The following DOCK8 variants were observed in gnomAD, a reference collection of about 807,000 sequenced individuals.
DOCK8 encodes dedicator of cytokinesis protein 8.
DOCK8 carries 141 observed loss-of-function variants against 245.6 expected under a neutral mutation model. The ratio of observed to expected loss-of-function variants is 0.57; its 90% CI spans 0.50 to 0.66. The LOEUF is 0.66. Ranked by LOEUF, DOCK8 falls within the 30% of genes least tolerant of loss-of-function variation. The probability of loss-of-function intolerance (pLI) is 0.00; values close to 1 mark genes in which losing one functional copy is unlikely to be tolerated. For missense variants in DOCK8, 2,965 were observed against 2,603.4 expected (o/e 1.14, Z -3.02); for synonymous variants, 1,168 against 970.2 (o/e 1.20, Z -3.79).
chr9:280,172 T>C (rs1316345903), intron 2 of DOCK8, among the ~76,000 whole-genome samples: 2 of 152,314 alleles, frequency 1.3e-5, no homozygotes, highest in East Asian at 3.9e-4. Context: ...TATTTGGTTG[T>C]GGATAATTTA....
intron 26 of DOCK8, among the ~76,000 whole-genome samples, chr9:403,858 A>ATCTCTCTCTCTCTCTCTCTCTC (rs749646963): frequency 3.6e-5 from 3 of 83,970 alleles, no homozygotes; most frequent in African/African-American, 1.4e-4. Flanking sequence ...AAGACTCTGT[A>ATCTCTCTCTCTCTCTCTCTCTC]TCTCTCTCTC....
intron 10 of DOCK8, among the ~76,000 whole-genome samples, chr9:333,472 G>C (rs531047992): frequency 6.6e-6 from 1 of 152,192 alleles, no homozygotes; most frequent in African/African-American, 2.4e-5. Context: ...ATGGTGGCAC[G>C]TGCCTGTATT....
chr9:248,539 T>A (rs1432047177), intron 1 of DOCK8, among the ~76,000 whole-genome samples: 2 of 62,042 alleles, frequency 3.2e-5, no homozygotes, highest in African/African-American at 1.1e-4. Flanking sequence ...CTCTCTTTCT[T>A]TCTTTCTTTC....
At chr9:299,848 C>T (rs1052155183) in intron 4 of DOCK8, among the ~76,000 whole-genome samples, 23 of 151,782 alleles carry the variant, frequency 1.5e-4, no homozygotes, top group African/African-American at 5.1e-4. Context: ...AGTGAAACCC[C>T]GTCTCTACTA....
intron 18 of DOCK8, among the ~76,000 whole-genome samples, chr9:374,808 A>G (rs2053455321): frequency 6.6e-6 from 1 of 151,946 alleles, no homozygotes; most frequent in South Asian, 2.1e-4. Context: ...ATTTTAAATT[A>G]CATATATAGC....
chr9:290,918 A>G (rs1387414176), intron 4 of DOCK8, among the ~76,000 whole-genome samples: 1 of 152,208 alleles, frequency 6.6e-6, no homozygotes, highest in Non-Finnish European at 1.5e-5. Context: ...ATATGCACAC[A>G]TTTTCAGCAG....
intron 23 of DOCK8, 116 bp downstream of exon 23, chr9:386,542 T>C (rs2053962600): frequency 3.6e-6 from 3 of 833,612 alleles, no homozygotes; most frequent in Non-Finnish European, 3.9e-6. Flanking sequence ...CCTGATGTGC[T>C]AACACACACA....
At chr9:429,097 A>G (rs925243074) in intron 35 of DOCK8, among the ~76,000 whole-genome samples, 2 of 152,064 alleles carry the variant, frequency 1.3e-5, no homozygotes, top group African/African-American at 2.4e-5. Context: ...CCTCCTGAGT[A>G]TTGGGATTAT....
At chr9:333,329 T>C (rs1815361) in intron 10 of DOCK8, among the ~76,000 whole-genome samples, 55,953 of 152,144 alleles carry the variant, frequency 0.37, 10,489 homozygotes, top group Middle Eastern at 0.43. Flanking sequence ...TGGCCGGGCG[T>C]GGTGGCTCAC....
rs1431335409 is a variant in DOCK8, at chr9:465,178, T to C, written c.*959T>C. The C allele has an allele frequency of 6.6e-6, 1 of 152,656 alleles. No individual in the cohort carries two copies. The highest frequency in any genetic ancestry group is 1.5e-5 in the Non-Finnish European group (1 of 68,044). The allele number at this position is 152,656 out of a possible 1,614,324, so 9.5% of individuals were successfully genotyped here. A position where few individuals can be genotyped will look rare whatever the true frequency, so the allele number is the denominator to read the frequency against. ...GAAAAAGAGGAACAAAGACATTATT[T>C]GAGAATTAAATTATATATTTTTAAT... On this transcript the variant is annotated 3_prime_UTR_variant, in exon 48 of 48. Transcript: ENST00000432829.
intron 14 of DOCK8, among the ~76,000 whole-genome samples, chr9:345,812 C>T (rs2051855299): frequency 6.6e-6 from 1 of 152,116 alleles, no homozygotes; most frequent in Non-Finnish European, 1.5e-5. Flanking sequence ...GTGTGTGCTG[C>T]CCCGTGTCTC....
chr9:262,038 A>T (rs1203087037), intron 1 of DOCK8, among the ~76,000 whole-genome samples: 1 of 152,088 alleles, frequency 6.6e-6, no homozygotes, highest in Non-Finnish European at 1.5e-5. Flanking sequence ...AAAGAAAGAC[A>T]CCGCGATTTA....
At position 414,966 on chromosome 9, in the gene DOCK8, GT is replaced by G. The variant is rs1229243384; in HGVS notation, c.3700+19del. The G allele has an allele frequency of 6.2e-7, 1 of 1,612,518 alleles. No individual in the cohort carries two copies. Among genetic ancestry groups the G allele is most frequent in the Non-Finnish European group, 8.5e-7 (1 of 1,179,992 alleles). ...TGACTTTACAGGTAATGGCCCTTCT[GT>G]TTTCTTTCTTGGATTGTTGGGGGCC... On this transcript the variant is annotated intron_variant, in intron 29 of 47. Coordinates refer to ENST00000432829, the MANE Select transcript of DOCK8 (RefSeq NM_203447.4).
chr9:307,801 C>T (rs189262431), intron 5 of DOCK8, among the ~76,000 whole-genome samples: 16 of 152,148 alleles, frequency 1.1e-4, no homozygotes, highest in East Asian at 7.7e-4. Flanking sequence ...GTAACCAAGA[C>T]GTGGACTCAA....
intron 1 of DOCK8, among the ~76,000 whole-genome samples, chr9:218,179 T>C (rs980239501): frequency 7.2e-5 from 11 of 152,204 alleles, no homozygotes; most frequent in Admixed American, 2.6e-4. Flanking sequence ...TGTTGAAATA[T>C]GGCCATTAGT....
chr9:333,400 G>T (rs972295853), intron 10 of DOCK8, among the ~76,000 whole-genome samples: 3 of 152,178 alleles, frequency 2.0e-5, no homozygotes, highest in Non-Finnish European at 4.4e-5. Context: ...AGAAGATTGA[G>T]ACCATCCTGG....
At chr9:332,873 C>G (rs1563930816) in intron 10 of DOCK8, among the ~76,000 whole-genome samples, 2 of 151,782 alleles carry the variant, frequency 1.3e-5, no homozygotes, top group Admixed American at 6.6e-5. Flanking sequence ...GCCCAGGCTG[C>G]TCTCATAATT....
rs781062154 is a variant in DOCK8, at chr9:399,220, G to A, written c.3195G>A (p.Arg1065=). 1.9e-6 allele frequency: 3 copies of A among 1,613,944 alleles called. No homozygotes were observed. The highest frequency in any genetic ancestry group is 1.1e-5 in the South Asian group (1 of 91,078). The change falls in exon 26 of 48, where the codon CGG becomes CGA. Residue 1065 remains arginine, a synonymous_variant. Coordinates refer to ENST00000432829, the MANE Select transcript of DOCK8 (RefSeq NM_203447.4). ...FLYDLLSLMD[R]GFVFNLIRHY... The stretch of plus-strand genomic sequence containing the variant: ...ATGACCTTCTCTCCCTCATGGATCG[G>A]GGCTTTGTGTTTAACCTCATCAGAC...
chr9:316,385 T>C (rs1365650826), intron 6 of DOCK8, among the ~76,000 whole-genome samples: 2 of 152,230 alleles, frequency 1.3e-5, no homozygotes, highest in Admixed American at 1.3e-4. Flanking sequence ...GGGCTTGATA[T>C]TTCTCTTTAA....
Sources: gnomAD v4.1 joint callset for allele counts (sites outside exome capture counted in the v4.1 genomes callset) on GRCh38, gnomAD v4.1.1 for gene constraint, MANE v1.5 for transcripts, NCBI Gene and HGNC (gene_info 2026-07-23, HGNC 2026-07-21) for gene names.